RHCE: variants seen among roughly 807,000 people sequenced by gnomAD.
RHCE encodes the protein Rh blood group CcEe antigens.
In RHCE, 22 loss-of-function variants were observed where a neutral mutation model predicts 43.8. That is an observed-to-expected ratio of 0.50 (90% CI 0.36 to 0.72). RHCE has a LOEUF of 0.72. RHCE is among the 30% of genes least tolerant of loss of function. The pLI is 0.00. For missense variants in RHCE, 385 were observed against 525.4 expected (o/e 0.73, Z 2.61); for synonymous variants, 156 against 210.7 (o/e 0.74, Z 2.25).
At position 25,380,844 on chromosome 1, in the gene RHCE, T is replaced by C. The variant is rs1178753001; in HGVS notation, c.1073+4867A>G. ...GAAATGGCTTTGGAGTTTTTCTCCC[T>C]TGTCCTGATGAACAGCCTCTGGCTT... On this transcript the variant is annotated intron_variant, in intron 7 of 9. Coordinates refer to ENST00000294413, the MANE Select transcript of RHCE (RefSeq NM_020485.8). Among the ~76,000 whole-genome samples, 7 of 152,016 alleles carry C rather than the reference T, an allele frequency of 4.6e-5. No homozygotes were observed. In the East Asian group the frequency reaches 1.4e-3, roughly 29 times the overall value.
At chr1:25,424,740 G>GAAGGA (rs2042792282), upstream of RHCE, among the ~76,000 whole-genome samples, 1 of 151,908 alleles carries the variant, frequency 6.6e-6, no homozygotes, top group Non-Finnish European at 1.5e-5. Context: ...TGCTCCCCTT[G>GAAGGA]ACAAGGGTTC....
chr1:25,389,691 T>C (rs1224674746), intron 5 of RHCE, among the ~76,000 whole-genome samples: 3 of 152,194 alleles, frequency 2.0e-5, no homozygotes, highest in Non-Finnish European at 2.9e-5. Context: ...AAATGCCCAA[T>C]AGACATAAAT....
intron 7 of RHCE, among the ~76,000 whole-genome samples, chr1:25,379,019 A>G (rs543150558): frequency 6.6e-6 from 1 of 152,302 alleles, no homozygotes; most frequent in Non-Finnish European, 1.5e-5. Flanking sequence ...TTCCATGTAT[A>G]TTATCTCAGT....
At chr1:25,382,615 G>C (rs1646034030) in intron 7 of RHCE, among the ~76,000 whole-genome samples, 1 of 151,928 alleles carries the variant, frequency 6.6e-6, no homozygotes, top group South Asian at 2.1e-4. Context: ...CCCCTGGCCA[G>C]ACCCTCAGCT....
upstream of RHCE, among the ~76,000 whole-genome samples, chr1:25,421,132 T>C (rs2042754516): frequency 1.3e-5 from 2 of 152,222 alleles, no homozygotes; most frequent in African/African-American, 2.4e-5. Flanking sequence ...CTTCAGCATA[T>C]CCTTGTAAGA....
chr1:25,393,640 TG>T (rs572033199), intron 3 of RHCE, among the ~76,000 whole-genome samples: 60 of 151,766 alleles, frequency 4.0e-4, no homozygotes, highest in African/African-American at 1.4e-3. Flanking sequence ...TAAAATAAAA[TG>T]CAAGTCAGAT....
chr1:25,379,469 A>G (rs1571845287), intron 7 of RHCE, among the ~76,000 whole-genome samples: 1 of 6,206 alleles, frequency 1.6e-4, no homozygotes, highest in Non-Finnish European at 3.2e-4. Flanking sequence ...ATATATATAT[A>G]TATATATATA....
chr1:25,401,955 C>A (rs1209021750), intron 3 of RHCE, among the ~76,000 whole-genome samples: 1 of 152,122 alleles, frequency 6.6e-6, no homozygotes, highest in Non-Finnish European at 1.5e-5. Context: ...CAGTTCACTG[C>A]AACCTCCACC....
At chr1:25,379,483 ATATATATATATATTTTTTTTTTTTTTTTT>A (rs1645914145) in intron 7 of RHCE, among the ~76,000 whole-genome samples, 1 of 19,466 alleles carries the variant, frequency 5.1e-5, no homozygotes, top group African/African-American at 3.7e-4. Flanking sequence ...ATATATATAT[ATATATATATATATTTTTTTTTTTTTTTTT>A]TTTTTTTTTA....
intron 7 of RHCE, among the ~76,000 whole-genome samples, chr1:25,376,560 C>T (rs564693147): frequency 1.3e-5 from 2 of 152,162 alleles, no homozygotes; most frequent in Non-Finnish European, 2.9e-5. Context: ...TAATCACAGT[C>T]CCTACCTCAT....
intron 3 of RHCE, among the ~76,000 whole-genome samples, chr1:25,397,750 T>A (rs1375668448): frequency 6.7e-6 from 1 of 150,274 alleles, no homozygotes; most frequent in African/African-American, 2.5e-5. Flanking sequence ...CTCGTCTCTT[T>A]CCCTGCGTTA....
chr1:25,424,330 C>T (rs1305065396), upstream of RHCE, among the ~76,000 whole-genome samples: 3 of 152,072 alleles, frequency 2.0e-5, no homozygotes, highest in Non-Finnish European at 2.9e-5. Flanking sequence ...CACCTCACCT[C>T]CCTGGATCTG....
At chr1:25,424,210 G>A (rs1557650806), upstream of RHCE, among the ~76,000 whole-genome samples, 1 of 152,146 alleles carries the variant, frequency 6.6e-6, no homozygotes, top group Non-Finnish European at 1.5e-5. Context: ...ATGTTCCGTA[G>A]GTTAGGTGTA....
At chr1:25,385,628 G>A (rs1646130331) in intron 7 of RHCE, 83 bp downstream of exon 7, 14 of 1,599,144 alleles carry the variant, frequency 8.8e-6, no homozygotes, top group South Asian at 3.3e-5. Flanking sequence ...GAGTGCACAC[G>A]CCCCAGCTAA....
intron 1 of RHCE, among the ~76,000 whole-genome samples, chr1:25,415,494 A>C (rs1186174259): frequency 2.6e-5 from 4 of 152,120 alleles, no homozygotes; most frequent in African/African-American, 9.7e-5. Context: ...CTCTACTAAA[A>C]ATACAAAATT....
chr1:25,388,864 A>C (rs1442872874), intron 6 of RHCE, 112 bp downstream of exon 6: 1 of 1,561,530 alleles, frequency 6.4e-7, no homozygotes, highest in Non-Finnish European at 8.8e-7. Flanking sequence ...CCAATAAGAG[A>C]ATGCACCAAC....
intron 7 of RHCE, chr1:25,385,359 C>T (rs558275898): frequency 8.5e-5 from 33 of 387,326 alleles, no homozygotes; most frequent in African/African-American, 4.0e-4. Context: ...CCAGCTAGTA[C>T]GCAGTGGGAG....
At chr1:25,395,318 G>C (rs1329809275) in intron 3 of RHCE, among the ~76,000 whole-genome samples, 2 of 150,638 alleles carry the variant, frequency 1.3e-5, no homozygotes, top group African/African-American at 2.5e-5. Context: ...TAGAAATGCA[G>C]GAACAAGTGG....
chr1:25,394,068 A>C (rs1646465115), intron 3 of RHCE, among the ~76,000 whole-genome samples: 1 of 152,118 alleles, frequency 6.6e-6, no homozygotes, highest in Non-Finnish European at 1.5e-5. Context: ...GGCTCACTGC[A>C]AACTTCACCC....
Sources: allele counts gnomAD v4.1 joint callset (sites outside exome capture counted in the v4.1 genomes callset), GRCh38; gene constraint gnomAD v4.1.1; transcripts MANE v1.5; gene names NCBI Gene and HGNC (gene_info 2026-07-23, HGNC 2026-07-21).